The following PAPOLA variants were observed in gnomAD, a reference collection of about 807,000 sequenced individuals.
PAPOLA encodes poly(A) polymerase alpha.
Under a neutral mutation model 100.6 loss-of-function variants are expected in PAPOLA, and 15 were observed. That is an observed-to-expected ratio of 0.15 (90% CI 0.10 to 0.23). The LOEUF is 0.23. Among genes scored for constraint, PAPOLA ranks in the 10% least tolerant of loss-of-function variants. The pLI, the probability that PAPOLA is intolerant of heterozygous loss-of-function variation, is 1.00. For missense variants in PAPOLA, 533 were observed against 884.2 expected (o/e 0.60, Z 5.04); for synonymous variants, 293 against 300.0 (o/e 0.98, Z 0.24).
intron 1 of PAPOLA, among the ~76,000 whole-genome samples, chr14:96,510,167 T>C (rs1312880049): frequency 6.6e-6 from 1 of 152,122 alleles, no homozygotes; most frequent in African/African-American, 2.4e-5. Flanking sequence ...ATTCTTGGAT[T>C]TTACGGCAGT....
intron 17 of PAPOLA, among the ~76,000 whole-genome samples, chr14:96,554,883 TA>T (rs1389109798): frequency 1.3e-5 from 2 of 152,106 alleles, no homozygotes; most frequent in African/African-American, 4.8e-5. Flanking sequence ...TAGGAAAGAA[TA>T]GGGGTTAATT....
At chr14:96,524,781 A>G (rs1898322807) in intron 3 of PAPOLA, among the ~76,000 whole-genome samples, 1 of 152,080 alleles carries the variant, frequency 6.6e-6, no homozygotes, top group Admixed American at 6.5e-5. Flanking sequence ...CACCCTCCCA[A>G]AGTGTTGGGA....
At chr14:96,547,367 TC>T (rs1266714108) in intron 15 of PAPOLA, among the ~76,000 whole-genome samples, 2 of 152,204 alleles carry the variant, frequency 1.3e-5, no homozygotes, top group East Asian at 3.8e-4. Context: ...TCTTGCAGAT[TC>T]TTGTAAAGAT....
intron 1 of PAPOLA, among the ~76,000 whole-genome samples, chr14:96,518,546 A>T (rs1366493999): frequency 2.0e-5 from 3 of 151,364 alleles, no homozygotes; most frequent in Non-Finnish European, 3.0e-5. Flanking sequence ...AGTAGCTGGG[A>T]CTACAGGCGC....
At chr14:96,537,851 A>T (rs1899665849) in intron 12 of PAPOLA, 1 of 151,880 alleles carries the variant, frequency 6.6e-6, no homozygotes, top group Non-Finnish European at 1.5e-5. Context: ...GTAATAATCT[A>T]AGCAAGATTG....
intron 1 of PAPOLA, among the ~76,000 whole-genome samples, chr14:96,518,471 C>T (rs918314294): frequency 1.3e-5 from 2 of 151,334 alleles, no homozygotes; most frequent in East Asian, 2.0e-4. Context: ...TGCAGTGGTG[C>T]GATCTCAGCT....
intron 19 of PAPOLA, among the ~76,000 whole-genome samples, chr14:96,558,184 T>C (rs957131545): frequency 6.6e-6 from 1 of 152,118 alleles, no homozygotes; most frequent in African/African-American, 2.4e-5. Flanking sequence ...ATAAAGATTT[T>C]AGGGCTTTCT....
intron 5 of PAPOLA, 126 bp from the exon 6 acceptor site, chr14:96,527,827 G>T: frequency 1.3e-6 from 1 of 752,048 alleles, no homozygotes; most frequent in East Asian, 2.5e-5. Flanking sequence ...TTTCTGATCT[G>T]TCTGATCGAA....
intron 1 of PAPOLA, 72 bp downstream of exon 1, chr14:96,502,672 G>T (rs569775503): frequency 9.2e-5 from 140 of 1,524,138 alleles, no homozygotes; most frequent in Admixed American, 4.9e-4. Flanking sequence ...AGGGGAAGAG[G>T]TAGGCGGAGA....
intron 2 of PAPOLA, 61 bp from the exon 3 acceptor site, chr14:96,520,945 C>CT: frequency 4.7e-6 from 4 of 845,088 alleles, no homozygotes; most frequent in Non-Finnish European, 8.1e-6. Flanking sequence ...CTATTTAAAA[C>CT]TTTAAGAAAT....
chr14:96,556,051 A>G, intron 18 of PAPOLA, 104 bp downstream of exon 18: 3 of 1,163,450 alleles, frequency 2.6e-6, no homozygotes, highest in Non-Finnish European at 2.5e-6. Context: ...TCAGTTTTTT[A>G]AATGCCAGTT....
At chr14:96,532,003 A>G in intron 7 of PAPOLA, 1 of 1,236,716 alleles carries the variant, frequency 8.1e-7, no homozygotes. Flanking sequence ...AGTTCTTGGA[A>G]ACTTTAGTGG....
chr14:96,518,723 TTTAAC>T (rs1399054418), intron 1 of PAPOLA, among the ~76,000 whole-genome samples: 1 of 150,968 alleles, frequency 6.6e-6, no homozygotes, highest in African/African-American at 2.4e-5. Flanking sequence ...ATTATCACAC[TTTAAC>T]TTAAAGTAGA....
At chr14:96,503,134 A>G (rs775417498) in intron 1 of PAPOLA, among the ~76,000 whole-genome samples, 3 of 151,966 alleles carry the variant, frequency 2.0e-5, no homozygotes, top group Non-Finnish European at 2.9e-5. Context: ...CTTTCCACTG[A>G]CCTTGTCTGA....
Position 96,531,561 on chromosome 14 carries a change from T to C in PAPOLA, c.582T>C (p.Asp194=). The change falls in exon 7 of 22, where the codon GAT becomes GAC. Residue 194 remains aspartate (D), a synonymous_variant. Coordinates refer to ENST00000216277, the MANE Select transcript of PAPOLA (RefSeq NM_032632.5). ...ATGACAGTCTGCTAAAAAATTTAGA[T>C]ATAAGATGTATAAGAAGTCTTAACG... ...LRDDSLLKNL[D]IRCIRSLNGC... The C allele has an allele frequency of 2.5e-6, 4 of 1,605,792 alleles. No individual in the cohort carries two copies. The highest frequency in any genetic ancestry group is 3.4e-6 in the Non-Finnish European group (4 of 1,174,322).
At chr14:96,527,873 GTGTTT>G (rs749602856) in intron 5 of PAPOLA, 75 bp from the exon 6 acceptor site, 100 of 909,464 alleles carry the variant, frequency 1.1e-4, no homozygotes, top group Non-Finnish European at 1.7e-4. Context: ...TTTGTGTCAG[GTGTTT>G]TGCTAAAGTA....
chr14:96,538,009 C>G (rs1899678520), intron 12 of PAPOLA: 1 of 151,938 alleles, frequency 6.6e-6, no homozygotes, highest in South Asian at 2.1e-4. Flanking sequence ...ATTAAAATAG[C>G]ATAATCATTA....
chr14:96,558,285 G>T (rs1166956702), intron 19 of PAPOLA, among the ~76,000 whole-genome samples: 1 of 152,128 alleles, frequency 6.6e-6, no homozygotes. Context: ...AGCAGCTAAA[G>T]AATATACTCA....
In PAPOLA at chr14:96,542,891, C is replaced by T. The variant is rs1466275391; in HGVS notation, c.1287C>T (p.Asp429=). Residue 429 remains aspartate, a splice_region_variant and synonymous_variant, in exon 14 of 22, where the codon GAC becomes GAT. Coordinates refer to ENST00000216277, the MANE Select transcript of PAPOLA (RefSeq NM_032632.5). ...QSFPAPKENP[D]KEEFRTMWVI... Reference sequence around the variant, plus strand: ...TTCCAGCACCCAAAGAAAATCCCGACAAGTAAGCCCTTTTCTAATTTAATT... The same window carrying T: ...TTCCAGCACCCAAAGAAAATCCCGATAAGTAAGCCCTTTTCTAATTTAATT... 3 of 1,610,924 alleles carry T rather than the reference C, an allele frequency of 1.9e-6. No homozygotes were observed.
Sources: gnomAD v4.1 joint callset for allele counts (sites outside exome capture counted in the v4.1 genomes callset) on GRCh38, gnomAD v4.1.1 for gene constraint, MANE v1.5 for transcripts, NCBI Gene and HGNC (gene_info 2026-07-23, HGNC 2026-07-21) for gene names.